The following GRIN2A variants were observed in gnomAD, a reference collection of about 807,000 sequenced individuals.
GRIN2A encodes the protein glutamate receptor ionotropic, NMDA 2A.
Under a neutral mutation model 113.4 loss-of-function variants are expected in GRIN2A, and 22 were observed. That is an observed-to-expected ratio of 0.19 (90% confidence interval 0.14 to 0.28). The LOEUF (loss-of-function observed/expected upper bound fraction) is 0.28. Among genes scored for constraint, GRIN2A ranks in the 10% least tolerant of loss-of-function variants. The pLI, the probability that GRIN2A is intolerant of heterozygous loss-of-function variation, is 1.00. For synonymous variants in GRIN2A, 827 were observed against 738.4 expected (o/e 1.12, Z -1.94); for missense variants, 1,502 against 1,887.0 (o/e 0.80, Z 3.78).
In GRIN2A at chr16:10,117,593, G is replaced by T. The variant is rs2048750664; in HGVS notation, c.414+62405C>A. Among the ~76,000 whole-genome samples the T allele has an allele frequency of 2.0e-5, 3 of 152,242 alleles. No individual in the cohort carries two copies. In the South Asian group the frequency reaches 6.2e-4, roughly 32 times the overall value. ...CATTTCACCTCACTGGGTCTTCCTG[G>T]ACCAGATAACCATCCCCGAACTGTT... On this transcript the variant is annotated intron_variant, in intron 2 of 12. Coordinates refer to ENST00000330684, the MANE Select transcript of GRIN2A (RefSeq NM_001134407.3).
intron 2 of GRIN2A, among the ~76,000 whole-genome samples, chr16:10,032,597 A>G (rs2046950174): frequency 1.3e-5 from 2 of 152,192 alleles, no homozygotes; most frequent in Non-Finnish European, 2.9e-5. Flanking sequence ...AAATACTATC[A>G]TTATCCCCAT....
chr16:10,129,650 A>C (rs2049021720), intron 2 of GRIN2A, among the ~76,000 whole-genome samples: 1 of 152,250 alleles, frequency 6.6e-6, no homozygotes, highest in Non-Finnish European at 1.5e-5. Context: ...ACCAAGGGAA[A>C]AGAGAGCAGG....
intron 2 of GRIN2A, among the ~76,000 whole-genome samples, chr16:10,152,829 C>T (rs1471805695): frequency 6.6e-6 from 1 of 152,104 alleles, no homozygotes; most frequent in Non-Finnish European, 1.5e-5. Flanking sequence ...GTGAAAGAAG[C>T]CAATCTGAAA....
At chr16:10,056,321 T>G (rs1349288949) in intron 2 of GRIN2A, among the ~76,000 whole-genome samples, 2 of 152,120 alleles carry the variant, frequency 1.3e-5, no homozygotes, top group Non-Finnish European at 2.9e-5. Flanking sequence ...ACCCTACATC[T>G]TTCCACTCAT....
intron 10 of GRIN2A, 72 bp downstream of exon 10, chr16:9,822,192 C>T: frequency 2.1e-6 from 3 of 1,446,668 alleles, no homozygotes; most frequent in African/African-American, 1.4e-5. Flanking sequence ...GGAACTGAGG[C>T]ATGCCGAGAG....
intron 3 of GRIN2A, among the ~76,000 whole-genome samples, chr16:9,899,051 C>G (rs1007877308): frequency 2.6e-5 from 4 of 152,048 alleles, no homozygotes; most frequent in African/African-American, 9.7e-5. Context: ...CCTCTTTGCC[C>G]TGGTGCTCAA....
chr16:9,954,295 T>C (rs1218002070), intron 2 of GRIN2A, among the ~76,000 whole-genome samples: 1 of 152,200 alleles, frequency 6.6e-6, no homozygotes, highest in Non-Finnish European at 1.5e-5. Flanking sequence ...TCTAAGTGTG[T>C]CTTGTTCCCC....
At chr16:10,144,892 G>T (rs926668951) in intron 2 of GRIN2A, among the ~76,000 whole-genome samples, 4 of 130,602 alleles carry the variant, frequency 3.1e-5, no homozygotes, top group African/African-American at 1.2e-4. Context: ...CTGTACTCCA[G>T]CCTGGGCGAC....
intron 3 of GRIN2A, among the ~76,000 whole-genome samples, chr16:9,906,678 A>G (rs1299221786): frequency 1.3e-5 from 2 of 152,200 alleles, no homozygotes; most frequent in South Asian, 2.1e-4. Context: ...AGAAATATGG[A>G]AAGGAGAGGA....
chr16:10,042,284 C>A (rs1420979174), intron 2 of GRIN2A, among the ~76,000 whole-genome samples: 1 of 152,188 alleles, frequency 6.6e-6, no homozygotes, highest in East Asian at 1.9e-4. Flanking sequence ...AGTGTGATTT[C>A]TGAGATGACA....
At position 9,761,067 on chromosome 16, in the gene GRIN2A, C is replaced by T. The variant is rs1027045520; in HGVS notation, c.*2082G>A. ...ACATGCATCCCCAGCACCTAGTCAG[C>T]CCCTTCTGCCTTTCAAAAATGAAAG... On this transcript the variant is annotated 3_prime_UTR_variant, in exon 13 of 13. Coordinates refer to ENST00000330684, the MANE Select transcript of GRIN2A (RefSeq NM_001134407.3). 1 of 232,810 alleles carries T rather than the reference C, an allele frequency of 4.3e-6. No individual in the cohort carries two copies. The highest frequency in any genetic ancestry group is 8.5e-6 in the Non-Finnish European group (1 of 117,734). 14.4% of individuals were successfully genotyped at this position (232,810 alleles called of 1,614,324 possible).
chr16:10,000,518 C>T (rs576815571), intron 2 of GRIN2A, among the ~76,000 whole-genome samples: 2 of 152,130 alleles, frequency 1.3e-5, no homozygotes, highest in South Asian at 4.1e-4. Context: ...AAGTCCTAAG[C>T]AGTGAGTTAT....
At chr16:9,999,694 C>T (rs1022291360) in intron 2 of GRIN2A, among the ~76,000 whole-genome samples, 5 of 151,988 alleles carry the variant, frequency 3.3e-5, no homozygotes, top group African/African-American at 1.2e-4. Flanking sequence ...ACCTCTTTAA[C>T]AAAACTGCAC....
chr16:10,133,532 G>T (rs879703261), intron 2 of GRIN2A, among the ~76,000 whole-genome samples: 1 of 152,162 alleles, frequency 6.6e-6, no homozygotes, highest in Admixed American at 6.5e-5. Flanking sequence ...GCTTGAACCC[G>T]GGAGGTGGAG....
intron 3 of GRIN2A, among the ~76,000 whole-genome samples, chr16:9,897,281 A>C (rs2043826172): frequency 6.6e-6 from 1 of 152,004 alleles, no homozygotes; most frequent in African/African-American, 2.4e-5. Flanking sequence ...TACAGTATTA[A>C]GTGTATGAAG....
intron 3 of GRIN2A, among the ~76,000 whole-genome samples, chr16:9,927,657 T>C (rs978095220): frequency 6.6e-6 from 1 of 152,170 alleles, no homozygotes; most frequent in African/African-American, 2.4e-5. Context: ...TTTAAACAGA[T>C]TGACACATAG....
intron 2 of GRIN2A, among the ~76,000 whole-genome samples, chr16:9,940,256 G>A (rs2044839858): frequency 6.6e-6 from 1 of 152,146 alleles, no homozygotes; most frequent in Admixed American, 6.6e-5. Flanking sequence ...AAATGCATGG[G>A]TTTGGGGGAT....
intron 2 of GRIN2A, among the ~76,000 whole-genome samples, chr16:10,123,792 A>G (rs1396547938): frequency 2.6e-5 from 4 of 152,144 alleles, no homozygotes; most frequent in Admixed American, 2.6e-4. Flanking sequence ...TAATCAGACT[A>G]CCTGGGTTTG....
At chr16:10,058,115 C>T (rs540633386) in intron 2 of GRIN2A, among the ~76,000 whole-genome samples, 5 of 151,916 alleles carry the variant, frequency 3.3e-5, no homozygotes, top group East Asian at 3.9e-4. Flanking sequence ...ATCAGCTGGG[C>T]GTGGTGGTGC....
Sources: gnomAD v4.1 joint callset for allele counts (sites outside exome capture counted in the v4.1 genomes callset) on GRCh38, gnomAD v4.1.1 for gene constraint, MANE v1.5 for transcripts, NCBI Gene and HGNC (gene_info 2026-07-23, HGNC 2026-07-21) for gene names.